Variants in NKTR observed in about 807,000 individuals in gnomAD.
NKTR encodes the protein NK-tumor recognition protein.
Under a neutral mutation model 156.3 loss-of-function variants are expected in NKTR, and 67 were observed. The ratio of observed to expected loss-of-function variants is 0.43; its 90% CI spans 0.35 to 0.53. The LOEUF (loss-of-function observed/expected upper bound fraction) is 0.53. Ranked by LOEUF, NKTR falls within the 20% of genes least tolerant of loss-of-function variation. The pLI is 0.01. For synonymous variants in NKTR, 640 were observed against 596.6 expected (o/e 1.07, Z -1.06); for missense variants, 1,604 against 1,730.9 (o/e 0.93, Z 1.30).
In NKTR at chr3:42,638,385, A is replaced by G. The variant is rs1412908750; in HGVS notation, c.2681A>G (p.Asp894Gly). 1.2e-6 allele frequency: 2 copies of G among 1,613,900 alleles called. No individual in the cohort carries two copies. Among genetic ancestry groups the G allele is most frequent in the East Asian group, 4.5e-5 (2 of 44,900 alleles). ...GACTCTGAGTCAAATTCAGAACGAG[A>G]TGTCACTAAAAACAGTAAAAATGAC... ...KWDSESNSER[D>G]VTKNSKNDSH... Residue 894 changes from aspartate to glycine, a missense_variant, in exon 13 of 17, where the codon GAT becomes GGT. This residue lies in a region of NKTR where 1,255 missense variants were observed against 1,243.7 expected (regional missense o/e 1.01). Coordinates refer to ENST00000232978, the MANE Select transcript of NKTR (RefSeq NM_005385.4).
intron 6 of NKTR, chr3:42,627,157 G>T: frequency 1.1e-6 from 1 of 902,876 alleles, no homozygotes; most frequent in Non-Finnish European, 1.3e-6. Flanking sequence ...TCTTAAAAGT[G>T]TATTACAATT....
intron 2 of NKTR, among the ~76,000 whole-genome samples, chr3:42,606,103 G>A (rs905448467): frequency 1.3e-5 from 2 of 152,078 alleles, no homozygotes; most frequent in African/African-American, 2.4e-5. Context: ...TGACAGTGCT[G>A]GGAATGGAGG....
intron 2 of NKTR, chr3:42,601,306 C>A: frequency 2.7e-6 from 1 of 365,118 alleles, no homozygotes. Flanking sequence ...GGACTGAGTC[C>A]TCGTAGCCAG....
intron 16 of NKTR, among the ~76,000 whole-genome samples, chr3:42,645,525 A>G (rs1710283089): frequency 6.6e-6 from 1 of 152,136 alleles, no homozygotes; most frequent in Non-Finnish European, 1.5e-5. Flanking sequence ...TCTCTACTAA[A>G]TAAAAAAAAT....
At position 42,646,241 on chromosome 3, in the gene NKTR, CTATGTA is replaced by C. The variant is rs1276815194; in HGVS notation, c.*269_*274del. 1 of 334,998 alleles carries C rather than the reference CTATGTA, an allele frequency of 3.0e-6. No homozygotes were observed. The highest frequency in any genetic ancestry group is 5.6e-6 in the Non-Finnish European group (1 of 177,758). 20.8% of individuals were successfully genotyped at this position (334,998 alleles called of 1,614,324 possible). A position where few individuals can be genotyped will look rare whatever the true frequency, so the allele number is the denominator to read the frequency against. ...TGAATCAAGAAATCGTGAAATTTATCTATGTATAATTTGCAATATTATTTTAAGTCT... is the reference window on the plus strand; with the variant it reads ...TGAATCAAGAAATCGTGAAATTTATCTAATTTGCAATATTATTTTAAGTCT... On this transcript the variant is annotated 3_prime_UTR_variant, in exon 17 of 17. Coordinates refer to ENST00000232978, the MANE Select transcript of NKTR (RefSeq NM_005385.4).
chr3:42,616,692 G>A lies in NKTR; in HGVS notation c.59-878G>A, dbSNP rs117091005. Among the ~76,000 whole-genome samples, 19 of 152,256 alleles carry A rather than the reference G, an allele frequency of 1.2e-4. 1 individual carries two copies. The East Asian group carries it at 3.3e-3, about 26-fold the overall frequency. ...GTTGCTGACTTTTCCTTGTAATCTC[G>A]TGTTTGTTGTAGGGAAGCATAACCT... On this transcript the variant is annotated intron_variant, in intron 2 of 16. Transcript: ENST00000232978.
intron 6 of NKTR, chr3:42,629,097 T>G: frequency 1.0e-6 from 1 of 964,824 alleles, no homozygotes; most frequent in Non-Finnish European, 1.2e-6. Context: ...TTAGTGTACT[T>G]TGGTAAAGTT....
chr3:42,619,120 C>A lies in NKTR; in HGVS notation c.234C>A (p.Phe78Leu). The part of the protein sequence containing the change: ...VKNFMIQGGD[F>L]SEGNGKGGES... Reference sequence around the variant, plus strand: ...ACTTTATGATTCAGGGTGGGGACTTCAGTGAAGGTAGAGCTAAAAGTTGTG... The same window carrying A: ...ACTTTATGATTCAGGGTGGGGACTTAAGTGAAGGTAGAGCTAAAAGTTGTG... The change falls in exon 4 of 17, where the codon TTC becomes TTA. Residue 78 changes from phenylalanine to leucine, a missense_variant. Transcript: ENST00000232978. The A allele has an allele frequency of 1.9e-6, 3 of 1,603,964 alleles. No individual in the cohort carries two copies. The highest frequency in any genetic ancestry group is 1.7e-6 in the Non-Finnish European group (2 of 1,176,576).
At position 42,638,087 on chromosome 3, in the gene NKTR, G is replaced by A. The variant is rs752400821; in HGVS notation, c.2383G>A (p.Val795Met). ...CAAAGGTAGAGACAGGTCTTCATGTGTGAGAAAGTATAGCGAGAGCAGATC... is the reference window on the plus strand; with the variant it reads ...CAAAGGTAGAGACAGGTCTTCATGTATGAGAAAGTATAGCGAGAGCAGATC... ...YVKGRDRSSC[V>M]RKYSESRSSL... is the part of the protein sequence containing the mutation. The change falls in exon 13 of 17, where the codon GTG (valine) becomes ATG (methionine). Residue 795 changes from valine to methionine, a missense_variant. Physicochemically the swap from Val to Met is conservative, Grantham distance 21. This residue lies in a region of NKTR where 1,255 missense variants were observed against 1,243.7 expected (regional missense o/e 1.01). Coordinates refer to ENST00000232978, the MANE Select transcript of NKTR (RefSeq NM_005385.4). 1.9e-6 allele frequency: 3 copies of A among 1,614,144 alleles called. No individual in the cohort carries two copies. The highest frequency in any genetic ancestry group is 2.5e-6 in the Non-Finnish European group (3 of 1,180,038).
At chr3:42,640,298 A>T (rs1310506080) in intron 13 of NKTR, among the ~76,000 whole-genome samples, 7 of 152,220 alleles carry the variant, frequency 4.6e-5, no homozygotes, top group Non-Finnish European at 8.8e-5. Flanking sequence ...GTCACTCTGC[A>T]CCTTCATGAA....
At chr3:42,630,177 A>G in intron 6 of NKTR, 1 of 1,033,278 alleles carries the variant, frequency 9.7e-7, no homozygotes, top group Non-Finnish European at 1.2e-6. Flanking sequence ...TTACGCTGAT[A>G]AATTTTGAGG....
chr3:42,641,874 CAAA>C (rs35450151), intron 13 of NKTR, among the ~76,000 whole-genome samples: 2 of 110,392 alleles, frequency 1.8e-5, no homozygotes. Context: ...CAAGACTCCT[CAAA>C]AAAAAAAAAA....
rs1708748634 is a variant in NKTR at position 42,630,060 on chromosome 3, G to A, written c.375-486G>A. The A allele has an allele frequency of 3.0e-6, 3 of 985,508 alleles. No homozygotes were observed. In the South Asian group the frequency reaches 1.4e-4, roughly 46 times the overall value. 61.0% of individuals were successfully genotyped at this position (985,508 alleles called of 1,614,324 possible). A position where few individuals can be genotyped will look rare whatever the true frequency, so the allele number is the denominator to read the frequency against. On this transcript the variant is annotated intron_variant, in intron 6 of 16. Transcript: ENST00000232978. ...GACCTACCTCTGCCTGCCTAAAAATGTGGACTGACTCAGTATGAGAAATAA... is the reference window on the plus strand; with the variant it reads ...GACCTACCTCTGCCTGCCTAAAAATATGGACTGACTCAGTATGAGAAATAA...
intron 6 of NKTR, chr3:42,627,279 A>C (rs1708477205): frequency 8.1e-6 from 8 of 984,632 alleles, no homozygotes; most frequent in Non-Finnish European, 9.6e-6. Flanking sequence ...TATCTCTTTA[A>C]TTCTGTTGTT....
chr3:42,621,199 G>A (rs756880957), intron 5 of NKTR: 57 of 1,132,766 alleles, frequency 5.0e-5, no homozygotes, highest in Non-Finnish European at 6.0e-5. Context: ...GGCTGTTTGT[G>A]TGAAGTATTA....
At chr3:42,606,827 C>T (rs867009866) in intron 2 of NKTR, among the ~76,000 whole-genome samples, 33 of 151,942 alleles carry the variant, frequency 2.2e-4, no homozygotes, top group Admixed American at 2.2e-3. Context: ...GCCTGGGCAA[C>T]ATAGTGAGAC....
At position 42,643,978 on chromosome 3, in the gene NKTR, G is replaced by C. The variant is rs201852247; in HGVS notation, c.4276G>C (p.Gly1426Arg). ...RSQRSDSYHRGRSYNRRSRSC... is the reference protein window; with the variant it reads ...RSQRSDSYHRRRSYNRRSRSC... ...CCAGAGAAGTGACAGTTACCACCGA[G>C]GCAGAAGTTATAATCGGCGGTCCAG... is the stretch of plus-strand genomic sequence containing the variant. The change falls in exon 16 of 17, where the codon GGC (glycine) becomes CGC (arginine). Residue 1426 changes from glycine (G) to arginine (R), a missense_variant. Gly to Arg is a moderately radical substitution (Grantham distance 125, BLOSUM62 -2). This residue lies in a region of NKTR where 193 missense variants were observed against 220.2 expected (regional missense o/e 0.88). Transcript: ENST00000232978. 29 of 1,613,974 alleles carry C rather than the reference G, an allele frequency of 1.8e-5. No individual in the cohort carries two copies. The East Asian group carries it at 5.8e-4, about 32-fold the overall frequency.
At chr3:42,642,824 C>G (rs1710009661) in intron 14 of NKTR, among the ~76,000 whole-genome samples, 1 of 152,140 alleles carries the variant, frequency 6.6e-6, no homozygotes, top group African/African-American at 2.4e-5. Context: ...ATTTAAGAAG[C>G]CTTGACCCCT....
rs763243208 is a variant in NKTR, at chr3:42,639,130, AGAG to A, written c.3430_3432del (p.Glu1144del). ...CTGATAGGAGTTCCCCAGCAAAAGTAGAGGAGACTTCCCCTCTAGGAAATGCAC... is the reference window on the plus strand; with the variant it reads ...CTGATAGGAGTTCCCCAGCAAAAGTAGAGACTTCCCCTCTAGGAAATGCAC... On this transcript the variant is annotated inframe_deletion, in exon 13 of 17. Transcript: ENST00000232978. 6.2e-6 allele frequency: 10 copies of A among 1,614,080 alleles called. No individual in the cohort carries two copies. Among genetic ancestry groups the A allele is most frequent in the South Asian group, 2.2e-5 (2 of 91,082 alleles).
Sources: gnomAD v4.1 joint callset for allele counts (sites outside exome capture counted in the v4.1 genomes callset) on GRCh38, gnomAD v4.1.1 for gene constraint, gnomAD v4.1.1 regional missense constraint, MANE v1.5 for transcripts, NCBI Gene and HGNC (gene_info 2026-07-23, HGNC 2026-07-21) for gene names.